The following MRO variants were observed in gnomAD, a reference collection of about 807,000 sequenced individuals.
MRO encodes maestro, also known as protein maestro.
A neutral mutation model predicts 31.0 loss-of-function variants in MRO; 28 were observed. That is an observed-to-expected ratio of 0.90 (90% CI 0.67 to 1.24). The LOEUF is 1.24. Ranked by LOEUF, MRO falls within the 50% of genes most tolerant of loss-of-function variation. The probability of loss-of-function intolerance (pLI) is 0.00; values close to 1 mark genes in which losing one functional copy is unlikely to be tolerated. For missense variants in MRO, 332 were observed against 289.2 expected, an observed-to-expected ratio of 1.15 and a Z score of -1.07; for synonymous variants, 108 against 108.4, an observed-to-expected ratio of 1.00 and a Z score of 0.02.
intron 3 of MRO, 87 bp downstream of exon 3, chr18:50,809,215 G>A: frequency 1.2e-6 from 1 of 837,974 alleles, no homozygotes. Context: ...AGTGGAGCAG[G>A]CCTAACTAAC....
intron 6 of MRO, among the ~76,000 whole-genome samples, chr18:50,800,431 A>G (rs187724845): frequency 6.6e-6 from 1 of 152,208 alleles, no homozygotes; most frequent in Non-Finnish European, 1.5e-5. Context: ...TCTCTCTCTC[A>G]GTAACTTAAA....
chr18:50,817,851 G>A (rs1396646006), intron 2 of MRO, among the ~76,000 whole-genome samples: 4 of 152,134 alleles, frequency 2.6e-5, no homozygotes, highest in African/African-American at 7.2e-5. Context: ...GTTTGTCTAT[G>A]ATTTATGCAA....
At chr18:50,810,947 A>G (rs1914424229) in intron 2 of MRO, among the ~76,000 whole-genome samples, 2 of 152,224 alleles carry the variant, frequency 1.3e-5, no homozygotes, top group Non-Finnish European at 2.9e-5. Context: ...GTTAAGAGCC[A>G]CTGAAGTCGA....
chr18:50,804,768 CA>C (rs1442970948), intron 5 of MRO, among the ~76,000 whole-genome samples: 3 of 152,170 alleles, frequency 2.0e-5, no homozygotes, highest in Admixed American at 1.3e-4. Context: ...CCCACAGCAA[CA>C]AACCACCCGC....
intron 2 of MRO, chr18:50,815,217 T>C (rs1347690199): frequency 4.9e-6 from 1 of 203,656 alleles, no homozygotes; most frequent in Non-Finnish European, 1.1e-5. Flanking sequence ...AAGTAAAAAG[T>C]GTCCTTTCTA....
chr18:50,801,566 T>TGAACACATCACAGCCATCGGTCA (rs1568125238), intron 5 of MRO, 62 bp from the exon 6 acceptor site: 8 of 1,475,216 alleles, frequency 5.4e-6, no homozygotes, highest in Non-Finnish European at 6.4e-6. Context: ...CAACTGCATC[T>TGAACACATCACAGCCATCGGTCA]GAACACATCA....
chr18:50,820,532 T>C (rs921271070), upstream of MRO, among the ~76,000 whole-genome samples: 2 of 152,230 alleles, frequency 1.3e-5, no homozygotes, highest in African/African-American at 4.8e-5. Flanking sequence ...AGAACAGTTA[T>C]ATTTTCAAAG....
At position 50,796,729 on chromosome 18, in the gene MRO, A is replaced by T. The variant is rs1286766101; in HGVS notation, c.*2608T>A. 1 of 152,246 alleles carries T rather than the reference A, an allele frequency of 6.6e-6. No homozygotes were observed. Among genetic ancestry groups the T allele is most frequent in the Non-Finnish European group, 1.5e-5 (1 of 68,074 alleles). The allele number at this position is 152,246 out of a possible 1,614,324, so 9.4% of individuals were successfully genotyped here. A position where few individuals can be genotyped will look rare whatever the true frequency, so the allele number is the denominator to read the frequency against. On this transcript the variant is annotated 3_prime_UTR_variant, in exon 8 of 8. Transcript: ENST00000398439. ...ACCCAAACTTGTCTGAAGCAAAGAGAGTAACAGAAGAAAACGAAGGTTGAA... is the reference window on the plus strand; with the variant it reads ...ACCCAAACTTGTCTGAAGCAAAGAGTGTAACAGAAGAAAACGAAGGTTGAA...
chr18:50,815,480 C>T (rs984934504), intron 2 of MRO: 12 of 292,670 alleles, frequency 4.1e-5, no homozygotes, highest in South Asian at 2.2e-4. Context: ...TAGAGGGGGC[C>T]GTGGTGGTGG....
intron 4 of MRO, 22 bp downstream of exon 4, chr18:50,806,682 G>A (rs1913969405): frequency 6.2e-7 from 1 of 1,613,760 alleles, no homozygotes; most frequent in South Asian, 1.1e-5. Flanking sequence ...GGAGCTGGCT[G>A]AGCCCCACTC....
chr18:50,801,761 C>T (rs2035242890), intron 5 of MRO, among the ~76,000 whole-genome samples: 1 of 152,156 alleles, frequency 6.6e-6, no homozygotes, highest in South Asian at 2.1e-4. Context: ...GAGGACTAGC[C>T]TGGGAAATCA....
At chr18:50,813,485 C>T (rs1025623564) in intron 2 of MRO, among the ~76,000 whole-genome samples, 1 of 152,194 alleles carries the variant, frequency 6.6e-6, no homozygotes, top group African/African-American at 2.4e-5. Context: ...AACACACATT[C>T]CCAGGCCTAG....
At position 50,819,693 on chromosome 18, in the gene MRO, C is replaced by A; in HGVS notation, c.-117G>T. On this transcript the variant is annotated 5_prime_UTR_variant, in exon 2 of 8. Coordinates refer to ENST00000398439, the MANE Select transcript of MRO (RefSeq NM_031939.6). ...TGATGACTCGGCTAAATTTTCCCAG[C>A]CCTGAATTCCTAACATACAAGAAGG... is the stretch of plus-strand genomic sequence containing the variant. 6.4e-7 allele frequency: 1 copy of A among 1,550,418 alleles called. No individual in the cohort carries two copies. Among genetic ancestry groups the A allele is most frequent in the Non-Finnish European group, 8.7e-7 (1 of 1,146,218 alleles).
intron 2 of MRO, among the ~76,000 whole-genome samples, chr18:50,813,922 ACTTCAAACAC>A (rs1914673020): frequency 2.0e-5 from 3 of 152,306 alleles, no homozygotes; most frequent in Admixed American, 2.0e-4. Context: ...AACAATCTGT[ACTTCAAACAC>A]CCACAACACA....
chr18:50,813,145 TC>T (rs951641440), intron 2 of MRO, among the ~76,000 whole-genome samples: 176 of 152,298 alleles, frequency 1.2e-3, no homozygotes, highest in African/African-American at 4.1e-3. Context: ...CCATCCTTGC[TC>T]CCTGGGTGGA....
Position 50,805,138 on chromosome 18 carries a change from T to A in MRO, c.429+16A>T. 1.2e-6 allele frequency: 2 copies of A among 1,602,382 alleles called. No individual in the cohort carries two copies. The highest frequency in any genetic ancestry group is 1.7e-6 in the Non-Finnish European group (2 of 1,170,166). ...ATTTTGATTTCAATAACCCAGAATTTTTCTGATTTACTTACGTCATCTAAT... is the reference window on the plus strand; with the variant it reads ...ATTTTGATTTCAATAACCCAGAATTATTCTGATTTACTTACGTCATCTAAT... On this transcript the variant is annotated intron_variant, in intron 5 of 7. Coordinates refer to ENST00000398439, the MANE Select transcript of MRO (RefSeq NM_031939.6).
intron 2 of MRO, among the ~76,000 whole-genome samples, chr18:50,818,994 A>G (rs1915152459): frequency 6.6e-6 from 1 of 152,164 alleles, no homozygotes. Context: ...CAGAGGTTGC[A>G]GTGAGCCGAG....
chr18:50,813,117 G>A (rs1914605547), intron 2 of MRO, among the ~76,000 whole-genome samples: 1 of 152,142 alleles, frequency 6.6e-6, no homozygotes, highest in South Asian at 2.1e-4. Flanking sequence ...GGAGGTGCAT[G>A]GGGACTCGGT....
At chr18:50,823,735 C>T (rs894414005), upstream of MRO, 4 of 162,542 alleles carry the variant, frequency 2.5e-5, no homozygotes, top group African/African-American at 9.5e-5. Flanking sequence ...TGTCACTTTT[C>T]AGAGGCACTG....
Sources: gnomAD v4.1 joint callset for allele counts (sites outside exome capture counted in the v4.1 genomes callset) on GRCh38, gnomAD v4.1.1 for gene constraint, MANE v1.5 for transcripts, NCBI Gene and HGNC (gene_info 2026-07-23, HGNC 2026-07-21) for gene names.